Variants in MYBPC1 observed in about 807,000 individuals in gnomAD.
MYBPC1 encodes the protein myosin-binding protein C, slow-type.
MYBPC1 carries 52 observed loss-of-function variants against 147.1 expected under a neutral mutation model. The ratio of observed to expected loss-of-function variants is 0.35; its 90% CI spans 0.28 to 0.45. MYBPC1 has a LOEUF of 0.45. Among genes scored for constraint, MYBPC1 ranks in the 20% least tolerant of loss-of-function variants. The pLI, the probability that MYBPC1 is intolerant of heterozygous loss-of-function variation, is 1.00. For synonymous variants in MYBPC1, 477 were observed against 475.9 expected (o/e 1.00, Z -0.03); for missense variants, 1,228 against 1,440.3 (o/e 0.85, Z 2.39).
chr12:101,616,660 C>G (rs1437332491), intron 2 of MYBPC1, among the ~76,000 whole-genome samples: 1 of 152,140 alleles, frequency 6.6e-6, no homozygotes, highest in Non-Finnish European at 1.5e-5. Flanking sequence ...TCTGATGTTA[C>G]TGCTCTTGTT....
chr12:101,680,415 G>A lies in MYBPC1; in HGVS notation c.3319G>A (p.Gly1107Arg), dbSNP rs548849405. The A allele has an allele frequency of 3.1e-6, 5 of 1,614,068 alleles. No individual in the cohort carries two copies. Among genetic ancestry groups the A allele is most frequent in the Non-Finnish European group, 3.4e-6 (4 of 1,179,986 alleles). The change falls in exon 29 of 32, where the codon GGA (glycine) becomes AGA (arginine). Residue 1107 changes from glycine (G) to arginine (R), a missense_variant. Gly to Arg is a moderately radical substitution (Grantham distance 125). Transcript: ENST00000361466. ...DPRYRMFSNQ[G>R]VCTLEIRKPS... is the part of the protein sequence containing the mutation. Reference sequence around the variant, plus strand: ...AAGATACAGGATGTTCAGCAACCAGGGAGTCTGTACCCTGGAAATTCGCAA... The same window carrying A: ...AAGATACAGGATGTTCAGCAACCAGAGAGTCTGTACCCTGGAAATTCGCAA...
rs1307395585 is a variant in MYBPC1 at position 101,631,792 on chromosome 12, G to C, written c.438+73G>C. The C allele has an allele frequency of 4.4e-6, 7 of 1,603,268 alleles. No homozygotes were observed. The African/African-American group carries it at 5.4e-5, about 12-fold the overall frequency. On this transcript the variant is annotated intron_variant, in intron 7 of 31. Coordinates refer to ENST00000361466, the MANE Select transcript of MYBPC1 (RefSeq NM_002465.4). ...CTATGTGAATAAATGATTATTTTCA[G>C]GTTCAGCTTTGAGAGACTTCAGTTC...
chr12:101,690,045 C>T (rs928053169), downstream of MYBPC1, among the ~76,000 whole-genome samples: 3 of 152,088 alleles, frequency 2.0e-5, no homozygotes, highest in South Asian at 2.1e-4. Context: ...CGTGGTGGCG[C>T]GTGCCTGTAA....
intron 22 of MYBPC1, among the ~76,000 whole-genome samples, chr12:101,664,972 G>A (rs4764808): frequency 0.67 from 101,892 of 151,948 alleles, 35,118 homozygotes; most frequent in Admixed American, 0.79. Flanking sequence ...GAATATCCCA[G>A]TCTTATGTGT....
In MYBPC1 at chr12:101,663,415, T is replaced by A; in HGVS notation, c.2222-11T>A. On this transcript the variant is annotated splice_polypyrimidine_tract_variant and intron_variant, in intron 21 of 31. Transcript: ENST00000361466. ...AATAGTTTATTCTTTTCTGTCTCTT[T>A]TATCTTTAAGCTGTAACAAGCCCTC... The A allele has an allele frequency of 6.2e-7, 1 of 1,611,616 alleles. No individual in the cohort carries two copies. The highest frequency in any genetic ancestry group is 8.5e-7 in the Non-Finnish European group (1 of 1,177,786).
At chr12:101,665,195 A>G (rs1450079762) in intron 22 of MYBPC1, among the ~76,000 whole-genome samples, 2 of 152,180 alleles carry the variant, frequency 1.3e-5, no homozygotes, top group East Asian at 3.9e-4. Context: ...ATCCGTATAT[A>G]CATATGTATA....
intron 3 of MYBPC1, among the ~76,000 whole-genome samples, chr12:101,626,024 G>A (rs2135979324): frequency 6.9e-6 from 1 of 144,866 alleles, no homozygotes; most frequent in East Asian, 2.1e-4. Context: ...GGAGGCGGAG[G>A]TTGCGGTGAG....
At chr12:101,635,195 C>G (rs182888023) in intron 9 of MYBPC1, among the ~76,000 whole-genome samples, 1 of 151,990 alleles carries the variant, frequency 6.6e-6, no homozygotes, top group African/African-American at 2.4e-5. Flanking sequence ...GGAGGGGGGG[C>G]GGTCAAGGAA....
intron 25 of MYBPC1, among the ~76,000 whole-genome samples, chr12:101,674,791 A>G (rs562245407): frequency 7.4e-6 from 1 of 135,264 alleles, no homozygotes; most frequent in South Asian, 2.5e-4. Flanking sequence ...TGAACCTGGG[A>G]GGAGGAGACT....
intron 1 of MYBPC1, among the ~76,000 whole-genome samples, chr12:101,605,225 T>C (rs1423914804): frequency 2.0e-5 from 3 of 152,252 alleles, no homozygotes; most frequent in Non-Finnish European, 4.4e-5. Context: ...CTTTTGTCTC[T>C]ATTATGGTGC....
Position 101,646,744 on chromosome 12 carries a change from T to C in MYBPC1, c.966-19T>C. 1 of 1,611,946 alleles carries C rather than the reference T, an allele frequency of 6.2e-7. No individual in the cohort carries two copies. The highest frequency in any genetic ancestry group is 8.5e-7 in the Non-Finnish European group (1 of 1,178,028). On this transcript the variant is annotated intron_variant, in intron 12 of 31. Coordinates refer to ENST00000361466, the MANE Select transcript of MYBPC1 (RefSeq NM_002465.4). ...ATCACATTCACAGACTCTGTTTATT[T>C]TCATCCTATTCAAAACAGATACATC...
intron 11 of MYBPC1, 128 bp downstream of exon 11, chr12:101,642,713 A>G (rs1037092890): frequency 2.0e-6 from 2 of 1,003,612 alleles, no homozygotes; most frequent in Non-Finnish European, 3.0e-6. Context: ...GTAGGAGTGC[A>G]GGGGTTACGC....
intron 24 of MYBPC1, among the ~76,000 whole-genome samples, chr12:101,672,719 C>T (rs1880946): frequency 0.12 from 18,080 of 151,954 alleles, 1,235 homozygotes; most frequent in East Asian, 0.28. Flanking sequence ...CATGGTGGTG[C>T]GTGCCTGTAA....
chr12:101,597,043 C>G (rs898946671), intron 1 of MYBPC1, among the ~76,000 whole-genome samples: 1 of 152,130 alleles, frequency 6.6e-6, no homozygotes, highest in Non-Finnish European at 1.5e-5. Context: ...AGGAACTGTA[C>G]CTTGAAAAGC....
intron 3 of MYBPC1, among the ~76,000 whole-genome samples, chr12:101,620,830 G>A (rs75939109): frequency 0.056 from 8,546 of 152,156 alleles, 322 homozygotes; most frequent in Non-Finnish European, 0.086. Context: ...TTTTCAATTG[G>A]TAAAGTTACT....
the MYBPC1 span, among the ~76,000 whole-genome samples, chr12:101,692,316 TG>T: frequency 6.6e-6 from 1 of 152,234 alleles, no homozygotes; most frequent in African/African-American, 2.4e-5. Context: ...TGGACTGGAA[TG>T]GCACAAAACC....
intron 28 of MYBPC1, among the ~76,000 whole-genome samples, chr12:101,679,432 CTG>C (rs1295961377): frequency 6.6e-6 from 1 of 152,050 alleles, no homozygotes; most frequent in Non-Finnish European, 1.5e-5. Context: ...AAGAAGAAGA[CTG>C]TGTGAAGGAG....
chr12:101,681,274 C>G (rs1594087118), intron 29 of MYBPC1, among the ~76,000 whole-genome samples: 1 of 151,864 alleles, frequency 6.6e-6, no homozygotes, highest in South Asian at 2.1e-4. Flanking sequence ...TTTGGGACAC[C>G]ATGAAAACCC....
chr12:101,667,620 T>G (rs1361625474), intron 22 of MYBPC1, 112 bp from the exon 23 acceptor site: 36 of 1,233,348 alleles, frequency 2.9e-5, no homozygotes, highest in South Asian at 1.5e-4. Context: ...TGTCTCTAAA[T>G]GATGTATTAT....
Sources: allele counts gnomAD v4.1 joint callset (sites outside exome capture counted in the v4.1 genomes callset), GRCh38; gene constraint gnomAD v4.1.1; transcripts MANE v1.5; gene names NCBI Gene and HGNC (gene_info 2026-07-23, HGNC 2026-07-21).